ABCB4: variants seen among roughly 807,000 people sequenced by gnomAD.
ABCB4 encodes the protein phosphatidylcholine translocator ABCB4.
Under a neutral mutation model 145.7 loss-of-function variants are expected in ABCB4, and 76 were observed. That is an observed-to-expected ratio of 0.52 (90% CI 0.43 to 0.63). The LOEUF (loss-of-function observed/expected upper bound fraction) is 0.63. Among genes scored for constraint, ABCB4 ranks in the 30% least tolerant of loss-of-function variants. The pLI is 0.00. For synonymous variants in ABCB4, 517 were observed against 566.8 expected (o/e 0.91, Z 1.25); for missense variants, 1,234 against 1,553.1 (o/e 0.79, Z 3.45).
the ABCB4 span, among the ~76,000 whole-genome samples, chr7:87,387,999 A>G: frequency 1.3e-5 from 2 of 152,172 alleles, no homozygotes; most frequent in East Asian, 3.8e-4. Context: ...CTGTGTCCAC[A>G]GTCAAATGCA....
downstream of ABCB4, among the ~76,000 whole-genome samples, chr7:87,400,397 A>AGAC (rs1311039654): frequency 2.6e-5 from 4 of 152,206 alleles, no homozygotes; most frequent in African/African-American, 9.7e-5. Flanking sequence ...GAATTTGATA[A>AGAC]GACTGGTTTA....
rs1480711533 is a variant in ABCB4 at position 87,408,254 on chromosome 7, T to A, written c.3082-20A>T. On this transcript the variant is annotated intron_variant, in intron 24 of 27. Coordinates refer to ENST00000649586, the MANE Select transcript of ABCB4 (RefSeq NM_000443.4). ...TTTATCCTGAATAAATGTTTAAATG[T>A]TGCTATTATAATTGGCCTGATAATT... 6.2e-7 allele frequency: 1 copy of A among 1,608,742 alleles called. No individual in the cohort carries two copies. The highest frequency in any genetic ancestry group is 1.7e-5 in the Admixed American group (1 of 59,972).
Position 87,439,701 on chromosome 7 carries a change from T to C in ABCB4, c.1697A>G (p.Glu566Gly), listed in dbSNP as rs756103317. ...AGCTGCCTGTACCTCAGCTTCACTT[T>C]CTGTGTCCAATGCTGACGTGGCCTC... ...LDEATSALDT[E>G]SEAEVQAALD... Residue 566 changes from glutamate to glycine, a missense_variant, in exon 14 of 28, where the codon GAA (glutamate) becomes GGA (glycine). Coordinates refer to ENST00000649586, the MANE Select transcript of ABCB4 (RefSeq NM_000443.4). 6.2e-7 allele frequency: 1 copy of C among 1,614,174 alleles called. No individual in the cohort carries two copies. The highest frequency in any genetic ancestry group is 8.5e-7 in the Non-Finnish European group (1 of 1,180,020).
At chr7:87,368,820 G>T in the ABCB4 span, among the ~76,000 whole-genome samples, 1 of 152,134 alleles carries the variant, frequency 6.6e-6, no homozygotes, top group South Asian at 2.1e-4. Context: ...GGGAGTTAAG[G>T]TGTGCCAAAG....
In ABCB4 at chr7:87,408,222, C is replaced by T. The variant is rs1310608536; in HGVS notation, c.3094G>A (p.Gly1032Arg). The change falls in exon 25 of 28, where the codon GGA (glycine) becomes AGA (arginine). Residue 1032 changes from glycine to arginine, a missense_variant. By Grantham distance (125) the Gly-to-Arg change is moderately radical. Transcript: ENST00000649586. ...EEGLKPDKFEGNITFNEVVFN... is the reference protein window; with the variant it reads ...EEGLKPDKFERNITFNEVVFN... ...ACGACTTCATTAAATGTTATATTTC[C>T]TTCAAATTTATCCTGAATAAATGTT... is the stretch of plus-strand genomic sequence containing the variant. 4 of 1,613,906 alleles carry T rather than the reference C, an allele frequency of 2.5e-6. No homozygotes were observed. The highest frequency in any genetic ancestry group is 3.4e-6 in the Non-Finnish European group (4 of 1,179,912).
intron 15 of ABCB4, among the ~76,000 whole-genome samples, chr7:87,427,177 T>G (rs889193343): frequency 2.0e-5 from 3 of 151,908 alleles, no homozygotes; most frequent in African/African-American, 7.3e-5. Flanking sequence ...AAAGACACAT[T>G]TTTCGTAATC....
chr7:87,420,087 A>C lies in ABCB4; in HGVS notation c.2317-12T>G, dbSNP rs1562959945. 6.2e-7 allele frequency: 1 copy of C among 1,613,714 alleles called. No individual in the cohort carries two copies. The highest frequency in any genetic ancestry group is 8.5e-7 in the Non-Finnish European group (1 of 1,179,594). On this transcript the variant is annotated splice_polypyrimidine_tract_variant and intron_variant, in intron 18 of 27. Coordinates refer to ENST00000649586, the MANE Select transcript of ABCB4 (RefSeq NM_000443.4). ...CCAAACGTGAAACCCTGGTTGAGAA[A>C]AAAGGCTATGGTCTCTTTTGATCTT...
chr7:87,434,424 G>C (rs996269563), intron 14 of ABCB4, among the ~76,000 whole-genome samples: 5 of 151,970 alleles, frequency 3.3e-5, no homozygotes, highest in Non-Finnish European at 5.9e-5. Context: ...GCTATCTGTA[G>C]AGTCAAAAGC....
rs561758529 is a variant in ABCB4 at position 87,453,550 on chromosome 7, TAAAAC to T, written c.345-420_345-416del. ...TGGAAATTAATCAATTTACTAAACT[TAAAAC>T]AAAAACTGTATAGGACATTATAACA... is the stretch of plus-strand genomic sequence containing the variant. On this transcript the variant is annotated intron_variant, in intron 5 of 27. Transcript: ENST00000649586. Among the ~76,000 whole-genome samples, 5 of 152,222 alleles carry T rather than the reference TAAAAC, an allele frequency of 3.3e-5. No individual in the cohort carries two copies. In the South Asian group the frequency reaches 1.0e-3, roughly 32 times the overall value.
chr7:87,403,176 A>G lies in ABCB4; in HGVS notation c.3592T>C (p.Leu1198=). Reference sequence around the variant, plus strand: ...TCCAGAGCTGATGTAGCTTCATCCAACAGGAGGATTTGAGGTTGTCTGATG... The same window carrying G: ...TCCAGAGCTGATGTAGCTTCATCCAGCAGGAGGATTTGAGGTTGTCTGATG... The part of the protein sequence containing the change: ...ALIRQPQILL[L]DEATSALDTE... The change falls in exon 27 of 28, where the codon TTG becomes CTG. Residue 1198 remains leucine, a synonymous_variant. Coordinates refer to ENST00000649586, the MANE Select transcript of ABCB4 (RefSeq NM_000443.4). 2.5e-6 allele frequency: 4 copies of G among 1,613,998 alleles called. No homozygotes were observed. Among genetic ancestry groups the G allele is most frequent in the Non-Finnish European group, 3.4e-6 (4 of 1,179,930 alleles).
chr7:87,445,033 A>C, intron 9 of ABCB4, 58 bp from the exon 10 acceptor site: 1 of 1,127,130 alleles, frequency 8.9e-7, no homozygotes, highest in Non-Finnish European at 1.3e-6. Context: ...ATTATTATCT[A>C]AAATGTGATG....
chr7:87,388,984 A>G, the ABCB4 span, among the ~76,000 whole-genome samples: 1 of 152,238 alleles, frequency 6.6e-6, no homozygotes, highest in African/African-American at 2.4e-5. Context: ...ACACTTCTCA[A>G]AAGAAGACAT....
the ABCB4 span, among the ~76,000 whole-genome samples, chr7:87,383,712 G>T: frequency 6.6e-6 from 1 of 152,026 alleles, no homozygotes; most frequent in African/African-American, 2.4e-5. Context: ...GGCCAGGCTG[G>T]TCTCTAACTC....
At chr7:87,467,019 A>C (rs2116934197) in intron 3 of ABCB4, among the ~76,000 whole-genome samples, 1 of 152,356 alleles carries the variant, frequency 6.6e-6, no homozygotes, top group Admixed American at 6.5e-5. Flanking sequence ...AGCTAAAATC[A>C]TAATGACAGG....
chr7:87,418,656 A>C (rs1379153793), intron 19 of ABCB4, 36 bp from the exon 20 acceptor site: 4 of 1,600,270 alleles, frequency 2.5e-6, no homozygotes, highest in Non-Finnish European at 2.6e-6. Context: ...TTAGTTCAAA[A>C]TTAAAACAAG....
chr7:87,392,518 G>T, the ABCB4 span: 16 of 1,436,044 alleles, frequency 1.1e-5, no homozygotes, highest in Non-Finnish European at 1.3e-5. Flanking sequence ...TTTTCTAGTT[G>T]GGTTTTGCAC....
intron 17 of ABCB4, among the ~76,000 whole-genome samples, chr7:87,422,728 T>G (rs1409927581): frequency 6.6e-6 from 1 of 152,168 alleles, no homozygotes; most frequent in African/African-American, 2.4e-5. Context: ...CAGAGGGGCC[T>G]TTCCTGAGCA....
At position 87,450,092 on chromosome 7, in the gene ABCB4, T is replaced by A. The variant is rs201611454; in HGVS notation, c.709A>T (p.Ile237Leu). The A allele has an allele frequency of 1.9e-6, 3 of 1,613,980 alleles. No homozygotes were observed. The highest frequency in any genetic ancestry group is 1.7e-6 in the Non-Finnish European group (2 of 1,179,954). The change falls in exon 8 of 28, where the codon ATA (isoleucine) becomes TTA (leucine). Residue 237 changes from isoleucine (I) to leucine (L), a missense_variant and splice_region_variant. Physicochemically the swap from Ile to Leu is conservative, Grantham distance 5 (BLOSUM62 2). Transcript: ENST00000649586. ...LGLSAAVWAKILSAFSDKELA... is the reference protein window; with the variant it reads ...LGLSAAVWAKLLSAFSDKELA... The stretch of plus-strand genomic sequence containing the variant: ...TCTTTGTCACTAAATGCCGAGAGTA[T>A]CTGGACAGAAAAGAAACAGTGATCA...
At chr7:87,454,917 A>G (rs1259811368) in intron 4 of ABCB4, among the ~76,000 whole-genome samples, 1 of 152,206 alleles carries the variant, frequency 6.6e-6, no homozygotes, top group Non-Finnish European at 1.5e-5. Flanking sequence ...CTGAAGAGAC[A>G]AGGAAGCCAC....
Sources: gnomAD v4.1 joint callset for allele counts (sites outside exome capture counted in the v4.1 genomes callset) on GRCh38, gnomAD v4.1.1 for gene constraint, MANE v1.5 for transcripts, NCBI Gene and HGNC (gene_info 2026-07-23, HGNC 2026-07-21) for gene names.